Variants in KLRF1 observed in about 807,000 individuals in gnomAD.
KLRF1 encodes the protein killer cell lectin-like receptor subfamily F member 1.
Under a neutral mutation model 30.7 loss-of-function variants are expected in KLRF1, and 27 were observed. The observed-to-expected ratio is 0.88, with a 90% CI of 0.65 to 1.21. The LOEUF (loss-of-function observed/expected upper bound fraction) is 1.21. Among genes scored for constraint, KLRF1 ranks in the 50% most tolerant of loss-of-function variants. The pLI, the probability that KLRF1 is intolerant of heterozygous loss-of-function variation, is 0.00. For synonymous variants in KLRF1, 92 were observed against 89.3 expected, an observed-to-expected ratio of 1.03 and a Z score of -0.17; for missense variants, 246 against 259.3, an observed-to-expected ratio of 0.95 and a Z score of 0.35.
At chr12:9,821,911 A>T in the KLRF1 span, among the ~76,000 whole-genome samples, 1 of 152,214 alleles carries the variant, frequency 6.6e-6, no homozygotes, top group African/African-American at 2.4e-5. Flanking sequence ...TACTTCACTA[A>T]CATACCACCC....
chr12:9,805,261 C>T, the KLRF1 span, among the ~76,000 whole-genome samples: 3 of 151,860 alleles, frequency 2.0e-5, no homozygotes, highest in Non-Finnish European at 2.9e-5. Flanking sequence ...AAGCTGCTAG[C>T]AGGCTCAATG....
At chr12:9,839,621 T>G (rs894521150) in intron 3 of KLRF1, among the ~76,000 whole-genome samples, 2 of 152,058 alleles carry the variant, frequency 1.3e-5, no homozygotes, top group Non-Finnish European at 2.9e-5. Context: ...CTTGAAGAGA[T>G]GTTTAATATG....
At chr12:9,811,852 T>C in the KLRF1 span, among the ~76,000 whole-genome samples, 1 of 152,306 alleles carries the variant, frequency 6.6e-6, no homozygotes, top group African/African-American at 2.4e-5. Context: ...TACTTATGAA[T>C]ATTCATGAAG....
the KLRF1 span, among the ~76,000 whole-genome samples, chr12:9,820,571 C>T: frequency 6.6e-6 from 1 of 152,146 alleles, no homozygotes; most frequent in African/African-American, 2.4e-5. Context: ...TGGCCCTCAG[C>T]ACAGAGCACC....
At chr12:9,825,662 C>A (rs1399478218), upstream of KLRF1, among the ~76,000 whole-genome samples, 1 of 151,246 alleles carries the variant, frequency 6.6e-6, no homozygotes, top group African/African-American at 2.4e-5. Context: ...CAAAACAAAA[C>A]AAACAAACAA....
Position 9,842,308 on chromosome 12 carries a change from G to A in KLRF1, c.475-13G>A, listed in dbSNP as rs377377742. ...AAATATTTTGTTCATTTAGTCCCTC[G>A]TCCACATTTTAGGCTTTTATACAGA... On this transcript the variant is annotated splice_polypyrimidine_tract_variant and intron_variant, in intron 4 of 5. Transcript: ENST00000617889. 3.7e-5 allele frequency: 60 copies of A among 1,608,700 alleles called. No homozygotes were observed. The highest frequency in any genetic ancestry group is 4.5e-5 in the Non-Finnish European group (53 of 1,177,502).
intron 4 of KLRF1, 30 bp downstream of exon 4, chr12:9,841,981 T>A: frequency 6.4e-7 from 1 of 1,574,332 alleles, no homozygotes; most frequent in Non-Finnish European, 8.6e-7. Context: ...GGTTATGGCA[T>A]CTTTGCAGTA....
the KLRF1 span, among the ~76,000 whole-genome samples, chr12:9,801,870 A>T: frequency 1.6e-4 from 24 of 152,110 alleles, no homozygotes; most frequent in Admixed American, 9.2e-4. Context: ...CCATTTGTCA[A>T]TTTTGGCTTT....
chr12:9,830,569 C>A (rs1379169463), intron 1 of KLRF1, among the ~76,000 whole-genome samples: 2 of 151,948 alleles, frequency 1.3e-5, no homozygotes, highest in Non-Finnish European at 2.9e-5. Flanking sequence ...GAACAAGTAT[C>A]TATTAATTTC....
At chr12:9,804,628 A>G in the KLRF1 span, among the ~76,000 whole-genome samples, 4 of 152,004 alleles carry the variant, frequency 2.6e-5, no homozygotes, top group Non-Finnish European at 5.9e-5. Flanking sequence ...AAGAGGTTTA[A>G]CTTTATGTTT....
upstream of KLRF1, among the ~76,000 whole-genome samples, chr12:9,825,823 G>A (rs1310612888): frequency 2.0e-5 from 3 of 151,982 alleles, no homozygotes; most frequent in African/African-American, 4.8e-5. Flanking sequence ...CAATCAACAA[G>A]CAAAAAATAA....
chr12:9,838,548 T>C (rs1015237008), intron 3 of KLRF1, among the ~76,000 whole-genome samples: 1 of 152,112 alleles, frequency 6.6e-6, no homozygotes, highest in Non-Finnish European at 1.5e-5. Context: ...GGGCACCACG[T>C]AGTGGAAAAC....
chr12:9,843,772 C>T (rs955424737), intron 5 of KLRF1, among the ~76,000 whole-genome samples: 1 of 152,120 alleles, frequency 6.6e-6, no homozygotes, highest in African/African-American at 2.4e-5. Flanking sequence ...AAATTCAGTA[C>T]TTACTTGCCC....
At chr12:9,807,020 G>A in the KLRF1 span, among the ~76,000 whole-genome samples, 5 of 151,700 alleles carry the variant, frequency 3.3e-5, no homozygotes, top group South Asian at 4.2e-4. Flanking sequence ...TTTTTTTGGC[G>A]TTAATGTAAT....
chr12:9,803,561 A>G, the KLRF1 span, among the ~76,000 whole-genome samples: 1 of 152,024 alleles, frequency 6.6e-6, no homozygotes, highest in African/African-American at 2.4e-5. Context: ...TTTGTGTTTT[A>G]CATTTTTTCA....
At chr12:9,819,674 A>G in the KLRF1 span, among the ~76,000 whole-genome samples, 27 of 152,286 alleles carry the variant, frequency 1.8e-4, no homozygotes, top group Middle Eastern at 3.4e-3. Flanking sequence ...TTCCAGAGGC[A>G]AGGATAGCCC....
At chr12:9,839,374 G>A (rs971201685) in intron 3 of KLRF1, among the ~76,000 whole-genome samples, 1 of 151,828 alleles carries the variant, frequency 6.6e-6, no homozygotes, top group African/African-American at 2.4e-5. Context: ...ATGTATTTTG[G>A]GGTATGCAAA....
the KLRF1 span, among the ~76,000 whole-genome samples, chr12:9,820,587 C>T: frequency 6.6e-6 from 1 of 152,162 alleles, no homozygotes; most frequent in Non-Finnish European, 1.5e-5. Flanking sequence ...GCACCCACCT[C>T]ATGAATAAGT....
chr12:9,819,985 G>A, the KLRF1 span, among the ~76,000 whole-genome samples: 2 of 152,062 alleles, frequency 1.3e-5, no homozygotes, highest in Non-Finnish European at 2.9e-5. Context: ...GTCACTTTTG[G>A]GCGTTGGAGA....
Sources: gnomAD v4.1 joint callset for allele counts (sites outside exome capture counted in the v4.1 genomes callset) on GRCh38, gnomAD v4.1.1 for gene constraint, MANE v1.5 for transcripts, NCBI Gene and HGNC (gene_info 2026-07-23, HGNC 2026-07-21) for gene names.